Variants in GDF1 observed in about 807,000 individuals in gnomAD.
GDF1 encodes the protein growth differentiation factor 1.
In GDF1, 8 loss-of-function variants were observed where a neutral mutation model predicts 7.4. The observed-to-expected ratio is 1.09, with a 90% CI of 0.64 to 1.96. The LOEUF is 1.96. GDF1 is among the 30% of genes most tolerant of loss of function. The probability of loss-of-function intolerance (pLI) is 0.00; values close to 1 mark genes in which losing one functional copy is unlikely to be tolerated. For synonymous variants in GDF1, 311 were observed against 276.7 expected (o/e 1.12, Z -1.23); for missense variants, 574 against 551.5 (o/e 1.04, Z -0.41).
At chr19:18,875,736 CCTG>C (rs2056049605) in intron 6 of GDF1, among the ~76,000 whole-genome samples, 2 of 152,072 alleles carry the variant, frequency 1.3e-5, no homozygotes, top group Non-Finnish European at 2.9e-5. Context: ...GACCAGTGAC[CCTG>C]ACCTGCTTCA....
Position 18,893,478 on chromosome 19 carries a change from C to T in GDF1, c.-976G>A. The T allele has an allele frequency of 6.2e-7, 1 of 1,607,594 alleles. No homozygotes were observed. ...GTCGGTGCCAAACAGCAGGTAGGCA[C>T]TGTAGCTCCAGCTGCCCAGGTAGAA... is the stretch of plus-strand genomic sequence containing the variant. On this transcript the variant is annotated 5_prime_UTR_variant, in exon 2 of 8. In the 5' UTR this introduces an upstream ATG that the reference lacks. Coordinates refer to ENST00000247005, the MANE Select transcript of GDF1 (RefSeq NM_001492.6).
intron 6 of GDF1, among the ~76,000 whole-genome samples, chr19:18,874,148 T>G (rs1462827900): frequency 1.3e-5 from 2 of 152,154 alleles, no homozygotes; most frequent in Non-Finnish European, 2.9e-5. Context: ...TAGCAGCAGC[T>G]GGACATCCTC....
chr19:18,879,427 G>T (rs2056139134), intron 4 of GDF1, 39 bp from the exon 5 acceptor site: 4 of 1,547,804 alleles, frequency 2.6e-6, no homozygotes, highest in Middle Eastern at 1.7e-4. Context: ...GGTGGAGGGG[G>T]ACGGTGCCCT....
Position 18,870,212 on chromosome 19 carries a change from G to T in GDF1, c.96C>A (p.Pro32=), listed in dbSNP as rs2055942070. The T allele has an allele frequency of 2.6e-6, 4 of 1,556,708 alleles. No homozygotes were observed. Among genetic ancestry groups the T allele is most frequent in the South Asian group, 2.4e-5 (2 of 84,998 alleles). The change falls in exon 7 of 8, where the codon CCC becomes CCA. Residue 32 remains proline (P), a synonymous_variant. Coordinates refer to ENST00000247005, the MANE Select transcript of GDF1 (RefSeq NM_001492.6). This position sits in a 1 kb window ranked among gnomAD's most constrained non-coding sequence, Gnocchi z 5.1. The part of the protein sequence containing the change: ...PSLPLTRAPV[P]PGPAAALLQA... The stretch of plus-strand genomic sequence containing the variant: ...GGAGCAGGGCGGCGGCTGGGCCTGG[G>T]GGCACGGGGGCGCGGGTCAGGGGCA...
chr19:18,886,785 C>A (rs999656840), intron 2 of GDF1, among the ~76,000 whole-genome samples: 1 of 152,214 alleles, frequency 6.6e-6, no homozygotes, highest in East Asian at 1.9e-4. Flanking sequence ...GCCTCTGCGA[C>A]AACTTTCATC....
intron 4 of GDF1, 44 bp from the exon 5 acceptor site, chr19:18,879,432 T>C (rs749372713): frequency 6.5e-6 from 10 of 1,545,590 alleles, no homozygotes; most frequent in Non-Finnish European, 7.9e-6. Flanking sequence ...AGGGGGACGG[T>C]GCCCTACCCA....
Position 18,870,034 on chromosome 19 carries a change from C to T in GDF1, c.274G>A (p.Val92Met). Residue 92 changes from valine (V) to methionine (M), a missense_variant, in exon 7 of 8, where the codon GTG (valine) becomes ATG (methionine). Transcript: ENST00000247005. This position sits in a 1 kb window ranked among gnomAD's most constrained non-coding sequence, Gnocchi z 5.1. The part of the protein sequence containing the change: ...SPGVTLQPCH[V>M]EELGVAGNIV... ...TTTCCGGCGACCCCCAGCTCCTCCACGTGGCACGGTTGCAGGGTGACCCCT... is the reference window on the plus strand; with the variant it reads ...TTTCCGGCGACCCCCAGCTCCTCCATGTGGCACGGTTGCAGGGTGACCCCT... The T allele has an allele frequency of 6.3e-7, 1 of 1,597,112 alleles. No individual in the cohort carries two copies. The highest frequency in any genetic ancestry group is 1.3e-5 in the African/African-American group (1 of 74,762).
chr19:18,887,360 G>T (rs1568304019), intron 2 of GDF1, among the ~76,000 whole-genome samples: 1 of 152,188 alleles, frequency 6.6e-6, no homozygotes, highest in Non-Finnish European at 1.5e-5. Context: ...GGAGAGGACT[G>T]GTGAGTGACT....
chr19:18,890,164 C>G (rs995685005), intron 2 of GDF1, among the ~76,000 whole-genome samples: 3 of 152,220 alleles, frequency 2.0e-5, no homozygotes, highest in African/African-American at 7.2e-5. Flanking sequence ...GTCCCTGCCT[C>G]TCCTGCCTGC....
rs548830395 is a variant in GDF1 at position 18,880,486 on chromosome 19, C to T, written c.-732-51G>A. ...GAGGGCAGCTCACATTGGGGGACCTCCACTCTGCACTAAGGCCCCCAGCAG... is the reference window on the plus strand; with the variant it reads ...GAGGGCAGCTCACATTGGGGGACCTTCACTCTGCACTAAGGCCCCCAGCAG... On this transcript the variant is annotated intron_variant, in intron 3 of 7. Transcript: ENST00000247005. The T allele has an allele frequency of 7.3e-6, 11 of 1,503,436 alleles. No individual in the cohort carries two copies. In the East Asian group the frequency reaches 2.2e-4, roughly 30 times the overall value. 93.1% of individuals were successfully genotyped at this position (1,503,436 alleles called of 1,614,324 possible). A position where few individuals can be genotyped will look rare whatever the true frequency, so the allele number is the denominator to read the frequency against.
chr19:18,875,092 T>C (rs1454308221), intron 6 of GDF1, among the ~76,000 whole-genome samples: 1 of 151,564 alleles, frequency 6.6e-6, no homozygotes, highest in Non-Finnish European at 1.5e-5. Flanking sequence ...TAAAATTAGC[T>C]GGATATGATG....
intron 6 of GDF1, among the ~76,000 whole-genome samples, chr19:18,872,059 G>C (rs979839863): frequency 6.6e-6 from 1 of 152,198 alleles, no homozygotes; most frequent in Non-Finnish European, 1.5e-5. Flanking sequence ...CCTCCAGGAT[G>C]GTCTTTAGTA....
chr19:18,890,679 G>A lies in GDF1; in HGVS notation c.-914+2737C>T, dbSNP rs183280546. On this transcript the variant is annotated intron_variant, in intron 2 of 7. Coordinates refer to ENST00000247005, the MANE Select transcript of GDF1 (RefSeq NM_001492.6). Reference sequence around the variant, plus strand: ...ACCTGTGGTCCCAGCTACTCAGAAGGCTGAGGTGGGATGATTGCTTGAGCC... The same window carrying A: ...ACCTGTGGTCCCAGCTACTCAGAAGACTGAGGTGGGATGATTGCTTGAGCC... 2.6e-5 allele frequency among the ~76,000 whole-genome samples: 4 copies of A among 151,686 alleles called. No individual in the cohort carries two copies. The East Asian group carries it at 7.7e-4, about 29-fold the overall frequency.
chr19:18,884,316 G>A (rs371727949), intron 2 of GDF1, 49 bp from the exon 3 acceptor site: 9 of 1,538,262 alleles, frequency 5.9e-6, no homozygotes, highest in East Asian at 4.7e-5. Flanking sequence ...GCCTCTAGAC[G>A]ATCGCCTCCA....
At position 18,870,265 on chromosome 19, in the gene GDF1, G is replaced by A. The variant is rs1046754957; in HGVS notation, c.43C>T (p.Leu15Phe). The stretch of plus-strand genomic sequence containing the variant: ...GAGGGCAGCAGCAGGGCCAGGAGGA[G>A]GAGGAGGTGGTGGCCGCAGGGACCT... ...QQGPCGHHLLLLLALLLPSLP... is the reference protein window; with the variant it reads ...QQGPCGHHLLFLLALLLPSLP... Residue 15 changes from leucine to phenylalanine, a missense_variant, in exon 7 of 8, where the codon CTC becomes TTC. By Grantham distance (22) the Leu-to-Phe change is conservative (BLOSUM62 0). Coordinates refer to ENST00000247005, the MANE Select transcript of GDF1 (RefSeq NM_001492.6). This position sits in a 1 kb window ranked among gnomAD's most constrained non-coding sequence, Gnocchi z 5.1. 1 of 1,550,786 alleles carries A rather than the reference G, an allele frequency of 6.4e-7. No individual in the cohort carries two copies. The highest frequency in any genetic ancestry group is 1.4e-5 in the African/African-American group (1 of 73,158).
At chr19:18,892,545 C>T (rs1160384548) in intron 2 of GDF1, among the ~76,000 whole-genome samples, 2 of 151,882 alleles carry the variant, frequency 1.3e-5, no homozygotes, top group Non-Finnish European at 2.9e-5. Context: ...ACCCAGGAGG[C>T]GGAGCTCACA....
At chr19:18,879,452 C>T in intron 4 of GDF1, 64 bp from the exon 5 acceptor site, 1 of 1,526,680 alleles carries the variant, frequency 6.6e-7, no homozygotes, top group South Asian at 1.2e-5. Context: ...AGTCCCTGTC[C>T]TATCCCGTCC....
intron 2 of GDF1, among the ~76,000 whole-genome samples, chr19:18,888,945 G>GTGGTGGTGTGATCT (rs2056429616): frequency 6.9e-6 from 1 of 144,168 alleles, no homozygotes; most frequent in South Asian, 2.2e-4. Context: ...AGGCTGGAGT[G>GTGGTGGTGTGATCT]CAGTAGCATG....
chr19:18,869,499 T>TC, intron 7 of GDF1, 109 bp from the exon 8 acceptor site: 1 of 1,361,492 alleles, frequency 7.3e-7, no homozygotes, highest in Non-Finnish European at 9.6e-7. Flanking sequence ...GGGCGCACCG[T>TC]CTGTGGGAAG....
Sources: gnomAD v4.1 joint callset for allele counts (sites outside exome capture counted in the v4.1 genomes callset) on GRCh38, gnomAD v4.1.1 for gene constraint, Gnocchi (gnomAD v3.1) non-coding constraint, MANE v1.5 for transcripts, NCBI Gene and HGNC (gene_info 2026-07-23, HGNC 2026-07-21) for gene names.